Variants in MYO16 observed in about 807,000 individuals in gnomAD.
MYO16 encodes unconventional myosin-XVI.
In MYO16, 94 loss-of-function variants were observed where a neutral mutation model predicts 205.3. That is an observed-to-expected ratio of 0.46 (90% confidence interval 0.39 to 0.54). The LOEUF (loss-of-function observed/expected upper bound fraction) is 0.54, where lower values mean the gene tolerates loss of function less well. Among genes scored for constraint, MYO16 ranks in the 20% least tolerant of loss-of-function variants. The probability of loss-of-function intolerance (pLI) is 0.00; values close to 1 mark genes in which losing one functional copy is unlikely to be tolerated. For synonymous variants in MYO16, 988 were observed against 954.0 expected, an observed-to-expected ratio of 1.04 and a Z score of -0.66; for missense variants, 2,315 against 2,387.5, an observed-to-expected ratio of 0.97 and a Z score of 0.63.
At chr13:108,795,667 G>A (rs139662692) in intron 6 of MYO16, among the ~76,000 whole-genome samples, 3 of 152,230 alleles carry the variant, frequency 2.0e-5, no homozygotes, top group African/African-American at 7.2e-5. Flanking sequence ...CATTCAAATG[G>A]CAAAAGCATT....
At chr13:108,968,589 G>C (rs1229173971) in intron 20 of MYO16, among the ~76,000 whole-genome samples, 1 of 152,092 alleles carries the variant, frequency 6.6e-6, no homozygotes, top group Non-Finnish European at 1.5e-5. Context: ...TCGTGCCACT[G>C]TAGTCCCACC....
rs114170922 is a variant in MYO16 at position 109,177,870 on chromosome 13, T to C, written c.5324-1672T>C. Among the ~76,000 whole-genome samples the C allele has an allele frequency of 5.1e-3, 770 of 152,326 alleles. 3 individuals are homozygous for C. The highest frequency in any genetic ancestry group is 0.015 in the African/African-American group (603 of 41,564). On this transcript the variant is annotated intron_variant, in intron 33 of 34. Transcript: ENST00000457511. ...AAAATGGATCACATTTGTCTTCTCCTGCCACAGATCCCCTGTCTTAGTAAG... is the reference window on the plus strand; with the variant it reads ...AAAATGGATCACATTTGTCTTCTCCCGCCACAGATCCCCTGTCTTAGTAAG...
intron 34 of MYO16, among the ~76,000 whole-genome samples, chr13:109,189,924 G>GT (rs55963432): frequency 0.41 from 61,150 of 149,228 alleles, 12,809 homozygotes; most frequent in African/African-American, 0.47. Flanking sequence ...TTTTGTTGTT[G>GT]TTTTTTTTTC....
intron 12 of MYO16, among the ~76,000 whole-genome samples, chr13:108,874,696 C>CATCATCATTATT (rs1555307948): frequency 1.3e-4 from 14 of 106,838 alleles, no homozygotes; most frequent in Non-Finnish European, 2.0e-4. Flanking sequence ...TCATCATCAT[C>CATCATCATTATT]ATTATTATTA....
At chr13:109,100,924 G>GAA in intron 28 of MYO16, 37 bp downstream of exon 28, 7 of 1,564,292 alleles carry the variant, frequency 4.5e-6, no homozygotes, top group Non-Finnish European at 6.2e-6. Flanking sequence ...AACATTTTAG[G>GAA]ATTTTAAATA....
chr13:108,672,299 A>G (rs901058938), intron 2 of MYO16, among the ~76,000 whole-genome samples: 2 of 152,166 alleles, frequency 1.3e-5, no homozygotes, highest in Non-Finnish European at 2.9e-5. Flanking sequence ...GCACTTGTTT[A>G]TGCAATTGAG....
intron 7 of MYO16, 133 bp downstream of exon 7, chr13:108,806,937 C>G (rs1203332954): frequency 1.7e-6 from 1 of 604,272 alleles, no homozygotes; most frequent in Non-Finnish European, 2.4e-6. Flanking sequence ...TGTCTTCTTA[C>G]TGAACAAATA....
chr13:109,151,760 G>T (rs1372957547), intron 32 of MYO16, among the ~76,000 whole-genome samples: 1 of 152,230 alleles, frequency 6.6e-6, no homozygotes, highest in Non-Finnish European at 1.5e-5. Flanking sequence ...CTGGGAAGAA[G>T]TAAGTGAAAA....
intron 1 of MYO16, among the ~76,000 whole-genome samples, chr13:108,654,528 G>A (rs1429916301): frequency 6.6e-6 from 1 of 152,154 alleles, no homozygotes. Flanking sequence ...TCAGCAGCAC[G>A]AAAATTGACT....
chr13:109,202,035 G>C (rs1880416395), intron 34 of MYO16, among the ~76,000 whole-genome samples: 1 of 151,464 alleles, frequency 6.6e-6, no homozygotes, highest in Non-Finnish European at 1.5e-5. Context: ...TCATACATAT[G>C]ATCATATATG....
intron 21 of MYO16, among the ~76,000 whole-genome samples, chr13:109,003,292 C>T (rs569266519): frequency 1.6e-4 from 24 of 152,190 alleles, no homozygotes; most frequent in Admixed American, 9.8e-4. Context: ...AATTTCTCTA[C>T]GGGATTTTAA....
chr13:109,030,612 A>G (rs763745185), intron 23 of MYO16, among the ~76,000 whole-genome samples: 1 of 152,136 alleles, frequency 6.6e-6, no homozygotes, highest in Non-Finnish European at 1.5e-5. Flanking sequence ...GTGAATATTG[A>G]TGATGTTTCT....
intron 32 of MYO16, among the ~76,000 whole-genome samples, chr13:109,145,173 A>T (rs2139817697): frequency 6.6e-6 from 1 of 152,300 alleles, no homozygotes; most frequent in African/African-American, 2.4e-5. Flanking sequence ...AATTCTCACA[A>T]CACTATAAGG....
chr13:108,966,617 A>G (rs1227120499), intron 20 of MYO16, among the ~76,000 whole-genome samples: 7 of 152,194 alleles, frequency 4.6e-5, no homozygotes. Context: ...GAATGAGAAT[A>G]GAGATTAATG....
At chr13:108,780,758 C>A (rs1001487116) in intron 4 of MYO16, among the ~76,000 whole-genome samples, 2 of 152,132 alleles carry the variant, frequency 1.3e-5, no homozygotes, top group East Asian at 3.8e-4. Flanking sequence ...GTGTTGGGAA[C>A]AGAAAGGAGA....
chr13:109,195,765 A>T (rs1880127551), intron 34 of MYO16, among the ~76,000 whole-genome samples: 1 of 152,190 alleles, frequency 6.6e-6, no homozygotes, highest in Admixed American at 6.5e-5. Flanking sequence ...TGAATTATTT[A>T]ACAAAGACTA....
chr13:108,590,936 T>C, the MYO16 span, among the ~76,000 whole-genome samples: 2 of 152,240 alleles, frequency 1.3e-5, no homozygotes, highest in Admixed American at 1.3e-4. Flanking sequence ...TTGTGCTACT[T>C]GGTCATGGCA....
intron 1 of MYO16, among the ~76,000 whole-genome samples, chr13:108,643,531 C>T (rs1168642745): frequency 2.0e-5 from 3 of 152,140 alleles, no homozygotes; most frequent in African/African-American, 7.2e-5. Context: ...AGTGCAATTG[C>T]TGGGTATGGC....
chr13:108,791,190 T>G (rs1373051143), intron 5 of MYO16, among the ~76,000 whole-genome samples: 1 of 152,232 alleles, frequency 6.6e-6, no homozygotes, highest in Non-Finnish European at 1.5e-5. Context: ...TAAAATGGCA[T>G]GTCCATGATT....
Sources: allele counts gnomAD v4.1 joint callset (sites outside exome capture counted in the v4.1 genomes callset), GRCh38; gene constraint gnomAD v4.1.1; transcripts MANE v1.5; gene names NCBI Gene and HGNC (gene_info 2026-07-23, HGNC 2026-07-21).